The following RILPL2 variants were observed in gnomAD, a reference collection of about 807,000 sequenced individuals.
RILPL2 encodes Rab interacting lysosomal protein like 2.
Under a neutral mutation model 22.2 loss-of-function variants are expected in RILPL2, and 19 were observed. The ratio of observed to expected loss-of-function variants is 0.86; its 90% CI spans 0.60 to 1.25. The LOEUF (loss-of-function observed/expected upper bound fraction) is 1.25, where lower values mean the gene tolerates loss of function less well. Ranked by LOEUF, RILPL2 falls within the 50% of genes most tolerant of loss-of-function variation. RILPL2 has a pLI of 0.00. For synonymous variants in RILPL2, 123 were observed against 111.6 expected, an observed-to-expected ratio of 1.10 and a Z score of -0.64; for missense variants, 243 against 263.6, an observed-to-expected ratio of 0.92 and a Z score of 0.54.
At chr12:123,427,969 A>G (rs1879490167) in intron 2 of RILPL2, among the ~76,000 whole-genome samples, 1 of 152,234 alleles carries the variant, frequency 6.6e-6, no homozygotes, top group Non-Finnish European at 1.5e-5. Flanking sequence ...GAGACGAAGC[A>G]GAATCCTGCC....
chr12:123,431,976 CCT>C (rs1212053042), intron 1 of RILPL2, among the ~76,000 whole-genome samples: 1 of 151,622 alleles, frequency 6.6e-6, no homozygotes, highest in Non-Finnish European at 1.5e-5. Context: ...CTCACTGCAA[CCT>C]CTGTCTCCCA....
rs556845728 is a variant in RILPL2, at chr12:123,428,238, A to G, written c.491+2270T>C. 1.3e-3 allele frequency among the ~76,000 whole-genome samples: 203 copies of G among 151,866 alleles called. 5 individuals carry two copies. In the South Asian group the frequency reaches 0.028, roughly 21 times the overall value. On this transcript the variant is annotated intron_variant, in intron 2 of 3. Transcript: ENST00000280571. ...TGCAAGCTCCACCTCCCAGGTTCAC[A>G]CCATTCTCCTGCCTCAGCCTCCCAA...
At chr12:123,422,996 CTTGAG>C (rs753378468) in intron 3 of RILPL2, 43 bp downstream of exon 3, 8 of 1,378,468 alleles carry the variant, frequency 5.8e-6, no homozygotes, top group Middle Eastern at 1.8e-4. Context: ...CGACTACTTC[CTTGAG>C]TTATTATTTG....
chr12:123,426,854 G>A (rs905620967), intron 2 of RILPL2, among the ~76,000 whole-genome samples: 3 of 151,736 alleles, frequency 2.0e-5, no homozygotes, highest in Non-Finnish European at 2.9e-5. Context: ...TGCCCACCTC[G>A]GCCTCCCAAA....
Position 123,436,058 on chromosome 12 carries a change from C to A in RILPL2, c.339+24G>T. 1 of 1,552,880 alleles carries A rather than the reference C, an allele frequency of 6.4e-7. No individual in the cohort carries two copies. Among genetic ancestry groups the A allele is most frequent in the South Asian group, 1.2e-5 (1 of 85,054 alleles). On this transcript the variant is annotated intron_variant, in intron 1 of 3. Coordinates refer to ENST00000280571, the MANE Select transcript of RILPL2 (RefSeq NM_145058.3). This position sits in a 1 kb window ranked among gnomAD's most constrained non-coding sequence, Gnocchi z 6.7. ...CTACGCCCCGCAGGCGCCGTGGGCCCGGAACCCTCGCTCCCACACTCACCT... is the reference window on the plus strand; with the variant it reads ...CTACGCCCCGCAGGCGCCGTGGGCCAGGAACCCTCGCTCCCACACTCACCT...
At chr12:123,427,679 C>A (rs534559715) in intron 2 of RILPL2, among the ~76,000 whole-genome samples, 1 of 152,048 alleles carries the variant, frequency 6.6e-6, no homozygotes, top group South Asian at 2.1e-4. Context: ...ACAGCTGGGA[C>A]TACAGGTATG....
intron 2 of RILPL2, among the ~76,000 whole-genome samples, chr12:123,425,479 G>A (rs918944942): frequency 5.3e-5 from 8 of 149,954 alleles, no homozygotes; most frequent in African/African-American, 2.0e-4. Context: ...GTGCCTGGCC[G>A]AATTGTGTGT....
intron 2 of RILPL2, among the ~76,000 whole-genome samples, chr12:123,426,831 T>C (rs998562135): frequency 2.0e-4 from 31 of 152,046 alleles, no homozygotes; most frequent in African/African-American, 7.2e-4. Flanking sequence ...CTCGATCTCC[T>C]GACCTCGTGA....
intron 1 of RILPL2, among the ~76,000 whole-genome samples, chr12:123,430,922 C>G (rs1429397081): frequency 6.6e-6 from 1 of 152,118 alleles, no homozygotes; most frequent in Non-Finnish European, 1.5e-5. Flanking sequence ...TGGTCTCAAA[C>G]TCCTGACCTC....
chr12:123,411,043 T>TTA (rs1158578466), downstream of RILPL2: 1 of 142,490 alleles, frequency 7.0e-6, no homozygotes, highest in Non-Finnish European at 1.6e-5. Context: ...TATTTATTTA[T>TTA]TTATTTTTTT....
At chr12:123,419,784 T>C (rs1272942160) in intron 3 of RILPL2, among the ~76,000 whole-genome samples, 1 of 151,410 alleles carries the variant, frequency 6.6e-6, no homozygotes, top group Admixed American at 6.6e-5. Context: ...ATTTATTTAA[T>C]TTTTATTTTT....
chr12:123,432,327 A>G (rs1158925311), intron 1 of RILPL2, among the ~76,000 whole-genome samples: 1 of 152,172 alleles, frequency 6.6e-6, no homozygotes, highest in African/African-American at 2.4e-5. Flanking sequence ...ACAACATGGG[A>G]AACCTCATCT....
rs28686899 is a variant in RILPL2, at chr12:123,428,197, C to T, written c.491+2311G>A. Among the ~76,000 whole-genome samples, 784 of 152,236 alleles carry T rather than the reference C, an allele frequency of 5.1e-3. 12 individuals carry two copies. Among genetic ancestry groups the T allele is most frequent in the Non-Finnish European group, 6.4e-3 (433 of 68,020 alleles). ...TTCCGCCCAGGCTGGAGTGCAGTGG[C>T]GAGATGTCGGCTCGCTGCAAGCTCC... On this transcript the variant is annotated intron_variant, in intron 2 of 3. Coordinates refer to ENST00000280571, the MANE Select transcript of RILPL2 (RefSeq NM_145058.3).
At chr12:123,413,128 A>G (rs143946444), downstream of RILPL2, 478 of 153,332 alleles carry the variant, frequency 3.1e-3, 2 homozygotes, top group African/African-American at 0.01. Context: ...TCTGGGAGGC[A>G]GAGATTGCAG....
intron 2 of RILPL2, among the ~76,000 whole-genome samples, chr12:123,426,020 G>C (rs1879434491): frequency 6.6e-6 from 1 of 151,900 alleles, no homozygotes; most frequent in Non-Finnish European, 1.5e-5. Flanking sequence ...CATTGCCCAG[G>C]CTCATCTTGA....
At chr12:123,420,837 TA>T (rs1378424187) in intron 3 of RILPL2, among the ~76,000 whole-genome samples, 4 of 152,062 alleles carry the variant, frequency 2.6e-5, no homozygotes, top group Non-Finnish European at 4.4e-5. Context: ...AGCCCAAGAT[TA>T]GGGGCGAATG....
intron 3 of RILPL2, among the ~76,000 whole-genome samples, chr12:123,416,171 A>T (rs1027668449): frequency 4.0e-5 from 6 of 151,824 alleles, no homozygotes; most frequent in African/African-American, 9.7e-5. Context: ...AAAAAAAAAA[A>T]AAATTAACCA....
intron 3 of RILPL2, 36 bp downstream of exon 3, chr12:123,423,008 T>G: frequency 6.9e-7 from 1 of 1,450,696 alleles, no homozygotes; most frequent in Admixed American, 1.7e-5. Flanking sequence ...TGAGTTATTA[T>G]TTGGCGGGAC....
At chr12:123,416,293 C>T (rs1403769167) in intron 3 of RILPL2, among the ~76,000 whole-genome samples, 1 of 152,038 alleles carries the variant, frequency 6.6e-6, no homozygotes, top group Non-Finnish European at 1.5e-5. Flanking sequence ...CACTGCACTC[C>T]AGCCTGGGCG....
Sources: allele counts gnomAD v4.1 joint callset (sites outside exome capture counted in the v4.1 genomes callset), GRCh38; gene constraint gnomAD v4.1.1; non-coding constraint Gnocchi (gnomAD v3.1); transcripts MANE v1.5; gene names NCBI Gene and HGNC (gene_info 2026-07-23, HGNC 2026-07-21).